The following GAREM1 variants were observed in gnomAD, a reference collection of about 807,000 sequenced individuals.
GAREM1 encodes the protein GRB2 associated regulator of MAPK1 subtype 1, also known as GRB2-associated and regulator of MAPK protein 1.
GAREM1 carries 26 observed loss-of-function variants against 71.3 expected under a neutral mutation model. The observed-to-expected ratio is 0.36, with a 90% CI of 0.27 to 0.51. The LOEUF (loss-of-function observed/expected upper bound fraction) is 0.51, where lower values mean the gene tolerates loss of function less well. GAREM1 is among the 20% of genes least tolerant of loss of function. The pLI, the probability that GAREM1 is intolerant of heterozygous loss-of-function variation, is 0.95. For synonymous variants in GAREM1, 440 were observed against 433.2 expected, an observed-to-expected ratio of 1.02 and a Z score of -0.20; for missense variants, 1,026 against 1,103.1, an observed-to-expected ratio of 0.93 and a Z score of 0.99.
chr18:32,439,423 T>C (rs2048712790), intron 1 of GAREM1, among the ~76,000 whole-genome samples: 1 of 152,106 alleles, frequency 6.6e-6, no homozygotes. Flanking sequence ...AGGCACACTT[T>C]GTATAAGGAG....
intron 1 of GAREM1, among the ~76,000 whole-genome samples, chr18:32,396,527 G>A (rs535234678): frequency 7.2e-5 from 11 of 152,322 alleles, no homozygotes; most frequent in African/African-American, 1.4e-4. Context: ...TTCAGTAGCC[G>A]ATGCGATCAA....
At chr18:32,452,913 G>A (rs141007509) in intron 1 of GAREM1, among the ~76,000 whole-genome samples, 1 of 150,944 alleles carries the variant, frequency 6.6e-6, no homozygotes, top group East Asian at 2.0e-4. Context: ...AACTTATATA[G>A]GTATGTATGT....
chr18:32,423,066 C>T (rs1014701274), intron 1 of GAREM1, among the ~76,000 whole-genome samples: 11 of 152,154 alleles, frequency 7.2e-5, no homozygotes, highest in African/African-American at 2.7e-4. Flanking sequence ...AATTGTGTAT[C>T]TCAATGTAGT....
intron 2 of GAREM1, among the ~76,000 whole-genome samples, chr18:32,391,452 C>T (rs936918276): frequency 6.6e-6 from 1 of 152,168 alleles, no homozygotes; most frequent in Admixed American, 6.5e-5. Context: ...GAGCTTTTCA[C>T]AGCGCTTTTG....
chr18:32,386,601 G>C (rs534658631), intron 2 of GAREM1, among the ~76,000 whole-genome samples: 44 of 152,272 alleles, frequency 2.9e-4, no homozygotes, highest in African/African-American at 9.9e-4. Flanking sequence ...TGTTCAAGTA[G>C]CAATCTGTTC....
intron 3 of GAREM1, among the ~76,000 whole-genome samples, chr18:32,303,807 G>C (rs943529060): frequency 2.6e-5 from 4 of 152,130 alleles, no homozygotes; most frequent in African/African-American, 9.7e-5. Context: ...TGTAGTCCTA[G>C]CTATTCAGGA....
At chr18:32,425,886 T>C (rs2048569783) in intron 1 of GAREM1, among the ~76,000 whole-genome samples, 1 of 152,228 alleles carries the variant, frequency 6.6e-6, no homozygotes, top group Non-Finnish European at 1.5e-5. Flanking sequence ...AAGTGGTCTC[T>C]TAAACTTTTC....
At chr18:32,285,854 C>T (rs1030054679) in intron 4 of GAREM1, among the ~76,000 whole-genome samples, 1 of 152,134 alleles carries the variant, frequency 6.6e-6, no homozygotes, top group Admixed American at 6.5e-5. Flanking sequence ...TTTAAAAACC[C>T]GGTTCTGCAT....
chr18:32,363,987 C>CATATAT (rs1483479851), intron 2 of GAREM1, among the ~76,000 whole-genome samples: 15 of 27,084 alleles, frequency 5.5e-4, no homozygotes, highest in South Asian at 1.4e-3. Context: ...TACATAAATA[C>CATATAT]ATATATACAT....
At chr18:32,458,266 C>A (rs185327198) in intron 1 of GAREM1, among the ~76,000 whole-genome samples, 160 of 152,156 alleles carry the variant, frequency 1.1e-3, no homozygotes, top group African/African-American at 3.7e-3. Flanking sequence ...AATTTATCAA[C>A]AATGAAGTCA....
intron 1 of GAREM1, among the ~76,000 whole-genome samples, chr18:32,426,175 C>T (rs1458371096): frequency 4.6e-5 from 7 of 151,822 alleles, no homozygotes; most frequent in Non-Finnish European, 7.4e-5. Context: ...CACGCCACCA[C>T]GCCCAGCTAG....
chr18:32,363,290 C>G (rs1339258528), intron 2 of GAREM1, among the ~76,000 whole-genome samples: 3 of 152,116 alleles, frequency 2.0e-5, no homozygotes, highest in Non-Finnish European at 4.4e-5. Flanking sequence ...AAAACAACTG[C>G]CTAGCCATTA....
intron 1 of GAREM1, among the ~76,000 whole-genome samples, chr18:32,417,295 T>C (rs1211717991): frequency 9.2e-5 from 14 of 152,170 alleles, no homozygotes; most frequent in Non-Finnish European, 1.9e-4. Context: ...ACAACCACTT[T>C]GGAGAACAGT....
intron 1 of GAREM1, among the ~76,000 whole-genome samples, chr18:32,464,859 AC>A (rs1258979014): frequency 6.6e-6 from 1 of 152,190 alleles, no homozygotes; most frequent in Admixed American, 6.5e-5. Flanking sequence ...ACAAAGACAT[AC>A]AGTTTTGTCT....
intron 3 of GAREM1, among the ~76,000 whole-genome samples, chr18:32,304,946 A>G (rs2144507941): frequency 6.6e-6 from 1 of 152,346 alleles, no homozygotes; most frequent in African/African-American, 2.4e-5. Context: ...GGAATGGCCA[A>G]CTCAGAAAGA....
At chr18:32,395,304 T>C (rs948489364) in intron 1 of GAREM1, among the ~76,000 whole-genome samples, 1 of 152,232 alleles carries the variant, frequency 6.6e-6, no homozygotes, top group Non-Finnish European at 1.5e-5. Flanking sequence ...TAACAAGCAC[T>C]GTTCTGAGTG....
At chr18:32,310,505 A>T (rs1308186376) in intron 2 of GAREM1, among the ~76,000 whole-genome samples, 182 bp from the exon 3 acceptor site, 1 of 152,188 alleles carries the variant, frequency 6.6e-6, no homozygotes, top group Non-Finnish European at 1.5e-5. Flanking sequence ...TAGATTTTAA[A>T]ATCAGCTTAA....
At chr18:32,417,657 G>T (rs2144692299) in intron 1 of GAREM1, among the ~76,000 whole-genome samples, 1 of 152,124 alleles carries the variant, frequency 6.6e-6, no homozygotes, top group East Asian at 1.9e-4. Context: ...TTATCTGTGG[G>T]ATCTAAAAAT....
chr18:32,441,896 C>T (rs183079583), intron 1 of GAREM1, among the ~76,000 whole-genome samples: 5 of 152,264 alleles, frequency 3.3e-5, no homozygotes, highest in Admixed American at 2.6e-4. Flanking sequence ...GGAAGGTCAC[C>T]GTAACAGAAC....
Sources: gnomAD v4.1 joint callset for allele counts (sites outside exome capture counted in the v4.1 genomes callset) on GRCh38, gnomAD v4.1.1 for gene constraint, MANE v1.5 for transcripts, NCBI Gene and HGNC (gene_info 2026-07-23, HGNC 2026-07-21) for gene names.